The following GALNT13 variants were observed in gnomAD, a reference collection of about 807,000 sequenced individuals.
The protein encoded by GALNT13 is polypeptide N-acetylgalactosaminyltransferase 13.
Under a neutral mutation model 64.2 loss-of-function variants are expected in GALNT13, and 28 were observed. The ratio of observed to expected loss-of-function variants is 0.44; its 90% CI spans 0.32 to 0.60. The LOEUF is 0.60. Ranked by LOEUF, GALNT13 falls within the 20% of genes least tolerant of loss-of-function variation. The pLI is 0.05. For synonymous variants in GALNT13, 214 were observed against 224.6 expected, an observed-to-expected ratio of 0.95 and a Z score of 0.42; for missense variants, 577 against 669.8, an observed-to-expected ratio of 0.86 and a Z score of 1.53.
chr2:153,435,135 G>C, the GALNT13 span, among the ~76,000 whole-genome samples: 1 of 152,168 alleles, frequency 6.6e-6, no homozygotes, highest in African/African-American at 2.4e-5. Context: ...AGATCTTATA[G>C]TTGTAGATAT....
chr2:153,263,694 G>A, the GALNT13 span, among the ~76,000 whole-genome samples: 1 of 152,094 alleles, frequency 6.6e-6, no homozygotes, highest in Non-Finnish European at 1.5e-5. Context: ...CAAGCAGTGG[G>A]GAAATAATTC....
the GALNT13 span, among the ~76,000 whole-genome samples, chr2:153,295,527 TAAAAAAAA>T: frequency 7.2e-6 from 1 of 139,750 alleles, no homozygotes; most frequent in African/African-American, 2.7e-5. Context: ...CTGGAGTACC[TAAAAAAAA>T]AAAAAAAAAA....
intron 3 of GALNT13, among the ~76,000 whole-genome samples, chr2:154,072,321 C>A (rs1176378845): frequency 6.6e-6 from 1 of 152,032 alleles, no homozygotes; most frequent in African/African-American, 2.4e-5. Flanking sequence ...GATAAACTTG[C>A]AGGTGAGGCA....
In GALNT13 at chr2:154,242,847, C is replaced by T. The variant is rs766380189; in HGVS notation, c.628C>T (p.His210Tyr). 2 of 1,614,136 alleles carry T rather than the reference C, an allele frequency of 1.2e-6. No individual in the cohort carries two copies. The highest frequency in any genetic ancestry group is 3.3e-5 in the Admixed American group (2 of 60,028). ...GCAGGTCATAACTTTTCTTGATGCA[C>T]ACTGTGAATGCACGTTAGGATGGCT... Reference protein sequence around the residue: ...KGQVITFLDAHCECTLGWLEP... With the variant: ...KGQVITFLDAYCECTLGWLEP... Residue 210 changes from histidine to tyrosine, a missense_variant, in exon 6 of 13, where the codon CAC (histidine) becomes TAC (tyrosine). By Grantham distance (83) the His-to-Tyr change is moderately conservative. Transcript: ENST00000392825.
At chr2:153,478,844 C>G in the GALNT13 span, 1 of 400,682 alleles carries the variant, frequency 2.5e-6, no homozygotes, top group South Asian at 8.3e-5. Flanking sequence ...CGGGGCTGGA[C>G]CAGCCCGGCC....
rs799815 is a variant in GALNT13 at position 154,359,375 on chromosome 2, G to A, written c.1157-36616G>A. Among the ~76,000 whole-genome samples, 5 of 152,022 alleles carry A rather than the reference G, an allele frequency of 3.3e-5. No individual in the cohort carries two copies. In the East Asian group the frequency reaches 9.7e-4, roughly 30 times the overall value. On this transcript the variant is annotated intron_variant, in intron 9 of 12. Coordinates refer to ENST00000392825, the MANE Select transcript of GALNT13 (RefSeq NM_052917.4). Reference sequence around the variant, plus strand: ...AAAGTGAAGTTTCAGAGCCAAGAGTGAGCAGGTGGGCAGAGACCAGATCAG... The same window carrying A: ...AAAGTGAAGTTTCAGAGCCAAGAGTAAGCAGGTGGGCAGAGACCAGATCAG...
chr2:154,201,448 A>G lies in GALNT13; in HGVS notation c.312-40582A>G, dbSNP rs114162669. On this transcript the variant is annotated intron_variant, in intron 4 of 12. Transcript: ENST00000392825. ...TGGCATTGAATACTGTCTTATACCT[A>G]TTAGCAATCATGGCAAGAAGACATT... is the stretch of plus-strand genomic sequence containing the variant. Among the ~76,000 whole-genome samples, 715 of 152,198 alleles carry G rather than the reference A, an allele frequency of 4.7e-3. 8 individuals carry two copies. The highest frequency in any genetic ancestry group is 0.016 in the African/African-American group (680 of 41,544).
chr2:153,108,953 G>C, the GALNT13 span, among the ~76,000 whole-genome samples: 2 of 152,280 alleles, frequency 1.3e-5, no homozygotes. Flanking sequence ...TATTTACAGA[G>C]ATATGGAAAA....
At chr2:153,331,527 C>T in the GALNT13 span, among the ~76,000 whole-genome samples, 1 of 152,072 alleles carries the variant, frequency 6.6e-6, no homozygotes, top group Non-Finnish European at 1.5e-5. Flanking sequence ...CAGTCCGAGC[C>T]CCAAAAGTGA....
the GALNT13 span, among the ~76,000 whole-genome samples, chr2:153,573,874 C>T: frequency 6.6e-6 from 1 of 152,022 alleles, no homozygotes; most frequent in Admixed American, 6.6e-5. Flanking sequence ...GTGTAGTTTA[C>T]ACACCAGTTA....
rs72867865 is a variant in GALNT13 at position 154,327,408 on chromosome 2, T to C, written c.1156+25819T>C. On this transcript the variant is annotated intron_variant, in intron 9 of 12. Transcript: ENST00000392825. ...CTTGGAGGTTAACTGGTAACACCTG[T>C]TCTGACTTATTGTTTTTAAGTTAAA... 6.6e-3 allele frequency among the ~76,000 whole-genome samples: 1,008 copies of C among 152,176 alleles called. 5 individuals are homozygous for C. Among genetic ancestry groups the C allele is most frequent in the Middle Eastern group, 0.02 (6 of 294 alleles).
the GALNT13 span, among the ~76,000 whole-genome samples, chr2:153,094,939 A>G: frequency 6.6e-6 from 1 of 152,204 alleles, no homozygotes; most frequent in Non-Finnish European, 1.5e-5. Context: ...AAAACCCTAG[A>G]AGAGAACCTA....
the GALNT13 span, chr2:153,761,664 G>C: frequency 6.5e-6 from 1 of 152,674 alleles, no homozygotes; most frequent in African/African-American, 2.4e-5. Flanking sequence ...TCTCAGGAAA[G>C]TTTACCTTGA....
the GALNT13 span, among the ~76,000 whole-genome samples, chr2:153,739,585 T>A: frequency 8.4e-6 from 1 of 119,476 alleles, no homozygotes; most frequent in Non-Finnish European, 1.6e-5. Context: ...TATTCATTAT[T>A]TTATTTATTT....
chr2:153,385,577 A>G, the GALNT13 span, among the ~76,000 whole-genome samples: 1 of 152,010 alleles, frequency 6.6e-6, no homozygotes, highest in Non-Finnish European at 1.5e-5. Flanking sequence ...GGAGATGGTT[A>G]ATGGGTACGA....
At chr2:154,352,907 G>C (rs1696492740) in intron 9 of GALNT13, among the ~76,000 whole-genome samples, 1 of 152,190 alleles carries the variant, frequency 6.6e-6, no homozygotes. Context: ...ATCAAGTTAG[G>C]CTTACTGTTA....
chr2:153,494,671 A>C, the GALNT13 span, among the ~76,000 whole-genome samples: 1 of 152,116 alleles, frequency 6.6e-6, no homozygotes, highest in Non-Finnish European at 1.5e-5. Flanking sequence ...AAGAAATAGA[A>C]GAGAAACCTT....
At chr2:153,844,614 T>A in the GALNT13 span, among the ~76,000 whole-genome samples, 1 of 152,192 alleles carries the variant, frequency 6.6e-6, no homozygotes, top group Admixed American at 6.5e-5. Context: ...AGTGGTTGCT[T>A]TATAGCCTGC....
In GALNT13 at chr2:153,923,185, C is replaced by CCACT. The variant is rs1689872400; in HGVS notation, c.-104-21208_-104-21205dup. On this transcript the variant is annotated intron_variant, in intron 2 of 12. Coordinates refer to ENST00000392825, the MANE Select transcript of GALNT13 (RefSeq NM_052917.4). ...AAAGTGCTGGAATTACAGGCATGAG[C>CCACT]CACTGTGCCTGGCCTGAAATAGCAT... Among the ~76,000 whole-genome samples the CCACT allele has an allele frequency of 2.0e-5, 3 of 152,142 alleles. No homozygotes were observed. In the South Asian group the frequency reaches 6.2e-4, roughly 32 times the overall value.
Sources: allele counts gnomAD v4.1 joint callset (sites outside exome capture counted in the v4.1 genomes callset), GRCh38; gene constraint gnomAD v4.1.1; transcripts MANE v1.5; gene names NCBI Gene and HGNC (gene_info 2026-07-23, HGNC 2026-07-21).